Variants in CEP83 observed in about 807,000 individuals in gnomAD.
CEP83 encodes centrosomal protein of 83 kDa.
Under a neutral mutation model 101.9 loss-of-function variants are expected in CEP83, and 70 were observed. The observed-to-expected ratio is 0.69, with a 90% CI of 0.57 to 0.84. CEP83 has a LOEUF of 0.84. Among genes scored for constraint, CEP83 ranks in the 40% least tolerant of loss-of-function variants. The pLI, the probability that CEP83 is intolerant of heterozygous loss-of-function variation, is 0.00. For synonymous variants in CEP83, 264 were observed against 267.9 expected (o/e 0.99, Z 0.14); for missense variants, 715 against 787.2 (o/e 0.91, Z 1.10).
intron 1 of CEP83, among the ~76,000 whole-genome samples, chr12:94,458,121 T>TG (rs970228341): frequency 8.0e-5 from 12 of 150,310 alleles, no homozygotes; most frequent in Non-Finnish European, 1.6e-4. Flanking sequence ...CACTTGAAAC[T>TG]GGGAGGCGGA....
Position 94,375,710 on chromosome 12 carries a change from G to A in CEP83, c.933+176C>T, listed in dbSNP as rs1440055545. Among the ~76,000 whole-genome samples the A allele has an allele frequency of 2.0e-5, 3 of 152,252 alleles. No homozygotes were observed. The East Asian group carries it at 5.8e-4, about 29-fold the overall frequency. On this transcript the variant is annotated intron_variant, in intron 8 of 16. Coordinates refer to ENST00000397809, the MANE Select transcript of CEP83 (RefSeq NM_016122.3). The stretch of plus-strand genomic sequence containing the variant: ...ACTGTACAGTATCAAGCATTCTAAA[G>A]AATGAAATAGAGGCATAAGATAACA...
chr12:94,396,452 C>T (rs2062903573), intron 6 of CEP83, among the ~76,000 whole-genome samples: 1 of 151,656 alleles, frequency 6.6e-6, no homozygotes, highest in African/African-American at 2.4e-5. Flanking sequence ...CCACACCAGG[C>T]TAATTTTTTG....
chr12:94,346,667 A>G (rs1477253783), intron 11 of CEP83, among the ~76,000 whole-genome samples: 2 of 152,186 alleles, frequency 1.3e-5, no homozygotes, highest in South Asian at 2.1e-4. Context: ...ATCTGATGCT[A>G]TCTCCATATA....
chr12:94,286,145 A>G, the CEP83 span, among the ~76,000 whole-genome samples: 1 of 152,220 alleles, frequency 6.6e-6, no homozygotes, highest in Non-Finnish European at 1.5e-5. Flanking sequence ...TCCGGCCTGT[A>G]GTCACTTCCC....
At chr12:94,291,565 T>C in the CEP83 span, among the ~76,000 whole-genome samples, 1 of 152,204 alleles carries the variant, frequency 6.6e-6, no homozygotes, top group Non-Finnish European at 1.5e-5. Flanking sequence ...AGCTAATTCG[T>C]TTAAAGTATA....
At chr12:94,288,174 C>T in the CEP83 span, among the ~76,000 whole-genome samples, 1 of 152,212 alleles carries the variant, frequency 6.6e-6, no homozygotes, top group Non-Finnish European at 1.5e-5. Context: ...ATGTCAAATT[C>T]ATAAAGGGTA....
At chr12:94,297,430 T>G in the CEP83 span, 1 of 1,600,424 alleles carries the variant, frequency 6.2e-7, no homozygotes, top group Non-Finnish European at 8.6e-7. Flanking sequence ...CAAGGTACAC[T>G]TACTGTTCTG....
chr12:94,362,609 C>T lies in CEP83; in HGVS notation c.1343+5185G>A, dbSNP rs527636122. ...CCGAGATCACACCACTGCACTCCAG[C>T]CTAGGTGACAGAGTGAGACCCTGTC... is the stretch of plus-strand genomic sequence containing the variant. On this transcript the variant is annotated intron_variant, in intron 11 of 16. Transcript: ENST00000397809. Among the ~76,000 whole-genome samples the T allele has an allele frequency of 2.0e-5, 3 of 152,254 alleles. No individual in the cohort carries two copies. In the East Asian group the frequency reaches 5.8e-4, roughly 29 times the overall value.
At position 94,367,864 on chromosome 12, in the gene CEP83, G is replaced by C. The variant is rs370718016; in HGVS notation, c.1273C>G (p.Gln425Glu). Residue 425 changes from glutamine to glutamate, a missense_variant, in exon 11 of 17, where the codon CAG becomes GAG. By Grantham distance (29) the Gln-to-Glu change is conservative (BLOSUM62 2). Coordinates refer to ENST00000397809, the MANE Select transcript of CEP83 (RefSeq NM_016122.3). ...GAAGCCCGCAATTTCTCTTCATACT[G>C]ATCCTTTTCAGATTGCCTCCAGACA... ...HDVWRQSEKD[Q>E]YEEKLRASQM... is the part of the protein sequence containing the mutation. The C allele has an allele frequency of 5.0e-6, 8 of 1,613,414 alleles. No individual in the cohort carries two copies. In the African/African-American group the frequency reaches 6.7e-5, roughly 13 times the overall value.
Position 94,376,063 on chromosome 12 carries a change from T to A in CEP83, c.802-46A>T, listed in dbSNP as rs1441786452. On this transcript the variant is annotated intron_variant, in intron 7 of 16. Coordinates refer to ENST00000397809, the MANE Select transcript of CEP83 (RefSeq NM_016122.3). ...TTTAAAATTCATCATTTTTCAAGTATTTCAAAATCAAATAAGCACTATTTA... is the reference window on the plus strand; with the variant it reads ...TTTAAAATTCATCATTTTTCAAGTAATTCAAAATCAAATAAGCACTATTTA... 3 of 1,257,892 alleles carry A rather than the reference T, an allele frequency of 2.4e-6. No homozygotes were observed. In the African/African-American group the frequency reaches 4.6e-5, roughly 19 times the overall value. The allele number at this position is 1,257,892 out of a possible 1,614,324, so 77.9% of individuals were successfully genotyped here. A position where few individuals can be genotyped will look rare whatever the true frequency, so the allele number is the denominator to read the frequency against.
At chr12:94,404,990 T>C (rs926675660) in intron 4 of CEP83, among the ~76,000 whole-genome samples, 1 of 152,136 alleles carries the variant, frequency 6.6e-6, no homozygotes, top group Non-Finnish European at 1.5e-5. Flanking sequence ...GCAAGATGAA[T>C]CAAAAGCTTT....
the CEP83 span, among the ~76,000 whole-genome samples, chr12:94,292,728 T>C: frequency 6.6e-6 from 1 of 152,214 alleles, no homozygotes; most frequent in Non-Finnish European, 1.5e-5. Context: ...TGTGCACAAA[T>C]CAAAGTTTTT....
chr12:94,347,122 TA>T (rs1426416716), intron 11 of CEP83, among the ~76,000 whole-genome samples: 1 of 147,022 alleles, frequency 6.8e-6, no homozygotes, highest in Non-Finnish European at 1.5e-5. Context: ...CACACACAAG[TA>T]AATGAAAAGG....
chr12:94,394,900 T>A (rs977932180), intron 6 of CEP83, among the ~76,000 whole-genome samples: 2 of 152,156 alleles, frequency 1.3e-5, no homozygotes, highest in Non-Finnish European at 2.9e-5. Context: ...ATCAGAGAAA[T>A]GCAAATCAAA....
intron 2 of CEP83, among the ~76,000 whole-genome samples, chr12:94,417,155 A>G (rs2064341263): frequency 1.3e-5 from 2 of 151,736 alleles, no homozygotes; most frequent in Non-Finnish European, 2.9e-5. Flanking sequence ...CTCAAAAACA[A>G]ACAAAAAAAA....
chr12:94,279,666 G>C, the CEP83 span: 4 of 1,611,994 alleles, frequency 2.5e-6, no homozygotes, highest in Admixed American at 6.7e-5. Flanking sequence ...CGGTGCGGGA[G>C]CTATGTGGTC....
At chr12:94,382,742 T>C (rs1430498222) in intron 6 of CEP83, among the ~76,000 whole-genome samples, 1 of 152,016 alleles carries the variant, frequency 6.6e-6, no homozygotes, top group Non-Finnish European at 1.5e-5. Flanking sequence ...TATAAGTTTG[T>C]TGAGGTTTAT....
the CEP83 span, among the ~76,000 whole-genome samples, chr12:94,276,072 T>C: frequency 1.3e-5 from 2 of 152,210 alleles, no homozygotes; most frequent in Non-Finnish European, 2.9e-5. Context: ...TTTTTTCTTT[T>C]GGTTATGTTT....
chr12:94,343,079 G>A (rs1169540621), intron 11 of CEP83, among the ~76,000 whole-genome samples: 2 of 151,682 alleles, frequency 1.3e-5, no homozygotes, highest in Non-Finnish European at 2.9e-5. Flanking sequence ...ACATATGTGT[G>A]TATGTATGTC....
Sources: gnomAD v4.1 joint callset for allele counts (sites outside exome capture counted in the v4.1 genomes callset) on GRCh38, gnomAD v4.1.1 for gene constraint, MANE v1.5 for transcripts, NCBI Gene and HGNC (gene_info 2026-07-23, HGNC 2026-07-21) for gene names.